ANXA9: variants seen among roughly 807,000 people sequenced by gnomAD.
ANXA9 encodes the protein annexin 31.
Under a neutral mutation model 51.8 loss-of-function variants are expected in ANXA9, and 47 were observed. The observed-to-expected ratio is 0.91, with a 90% confidence interval of 0.72 to 1.16. The LOEUF (loss-of-function observed/expected upper bound fraction) is 1.16. ANXA9 is among the 50% of genes most tolerant of loss of function. ANXA9 has a pLI of 0.00. For missense variants in ANXA9, 361 were observed against 424.7 expected (o/e 0.85, Z 1.32); for synonymous variants, 154 against 168.7 (o/e 0.91, Z 0.68).
At chr1:150,993,344 T>G (rs973896745) in intron 12 of ANXA9, among the ~76,000 whole-genome samples, 7 of 152,138 alleles carry the variant, frequency 4.6e-5, no homozygotes, top group Non-Finnish European at 7.3e-5. Flanking sequence ...GGAGTCTTGC[T>G]CTGTCCCAGG....
Position 150,984,365 on chromosome 1 carries a change from G to C in ANXA9, c.352G>C (p.Asp118His), listed in dbSNP as rs1158980090. 6.2e-7 allele frequency: 1 copy of C among 1,614,186 alleles called. No homozygotes were observed. The highest frequency in any genetic ancestry group is 8.5e-7 in the Non-Finnish European group (1 of 1,180,036). ...TCTGCTGCAGCCCACAGCCCAGTTT[G>C]ACGCCCAGGAATTGAGGACAGCTCT... ...MALLQPTAQF[D>H]AQELRTALKA... The change falls in exon 6 of 14, where the codon GAC (aspartate) becomes CAC (histidine). Residue 118 changes from aspartate (D) to histidine (H), a missense_variant. By Grantham distance (81) the Asp-to-His change is moderately conservative (BLOSUM62 -1). Transcript: ENST00000368947.
At chr1:150,981,491 C>T (rs1359276335), upstream of ANXA9, among the ~76,000 whole-genome samples, 1 of 152,220 alleles carries the variant, frequency 6.6e-6, no homozygotes, top group African/African-American at 2.4e-5. Context: ...GGCTGTTCAC[C>T]TGCTGCTCTG....
chr1:150,982,999 G>A, intron 2 of ANXA9, 91 bp from the exon 3 acceptor site: 1 of 901,392 alleles, frequency 1.1e-6, no homozygotes, highest in Non-Finnish European at 1.7e-6. Flanking sequence ...ACAGGTGACT[G>A]GAACCCAGGG....
At chr1:150,985,455 C>T (rs1017237162) in intron 7 of ANXA9, among the ~76,000 whole-genome samples, 16 of 152,162 alleles carry the variant, frequency 1.1e-4, no homozygotes, top group Non-Finnish European at 2.9e-5. Flanking sequence ...TGCTTGGCTA[C>T]AAGTGTCTCA....
At chr1:150,991,561 G>A (rs587686093) in intron 12 of ANXA9, among the ~76,000 whole-genome samples, 1 of 138,008 alleles carries the variant, frequency 7.2e-6, no homozygotes, top group African/African-American at 2.7e-5. Context: ...TTTTTCCTTT[G>A]AGATGGAGTC....
intron 12 of ANXA9, among the ~76,000 whole-genome samples, chr1:150,991,148 A>T (rs1019079989): frequency 2.0e-5 from 3 of 151,400 alleles, no homozygotes; most frequent in African/African-American, 7.3e-5. Context: ...ATCTCTAAAA[A>T]AAAAATAATA....
At chr1:150,980,198 C>T (rs6587551), upstream of ANXA9, among the ~76,000 whole-genome samples, 82,386 of 151,916 alleles carry the variant, frequency 0.54, 23,056 homozygotes, top group African/African-American at 0.66. Flanking sequence ...AGTTCGAGAC[C>T]AGCCTGGCCA....
At chr1:150,980,572 CTTTTTTTTTT>C (rs869295630), upstream of ANXA9, among the ~76,000 whole-genome samples, 1 of 89,062 alleles carries the variant, frequency 1.1e-5, no homozygotes. Context: ...ACACAGATTA[CTTTTTTTTTT>C]TTTTTTTTTT....
At chr1:150,982,132 G>A (rs1671425386), upstream of ANXA9, 1 of 152,558 alleles carries the variant, frequency 6.6e-6, no homozygotes, top group Non-Finnish European at 1.5e-5. Flanking sequence ...GTTCCTGGGA[G>A]AAGAGATGCT....
At chr1:150,995,047 G>T (rs1051248121) in intron 13 of ANXA9, among the ~76,000 whole-genome samples, 1 of 152,206 alleles carries the variant, frequency 6.6e-6, no homozygotes, top group African/African-American at 2.4e-5. Flanking sequence ...AGCCAAGATC[G>T]TGCCACTGCA....
chr1:150,984,532 T>A, intron 6 of ANXA9, 54 bp from the exon 7 acceptor site: 1 of 1,547,792 alleles, frequency 6.5e-7, no homozygotes, highest in South Asian at 1.1e-5. Flanking sequence ...TGCCCCTCTG[T>A]CTGCCATCCT....
intron 12 of ANXA9, among the ~76,000 whole-genome samples, chr1:150,994,150 A>C (rs938170125): frequency 6.6e-6 from 1 of 152,152 alleles, no homozygotes; most frequent in African/African-American, 2.4e-5. Flanking sequence ...CAGTTTAGGG[A>C]TAGGGCAGGT....
chr1:150,992,571 A>G (rs587775771), intron 12 of ANXA9, among the ~76,000 whole-genome samples: 85 of 152,194 alleles, frequency 5.6e-4, no homozygotes, highest in African/African-American at 1.9e-3. Context: ...ATATATATAT[A>G]TGCTGAAGCG....
chr1:150,977,463 A>G (rs977107817), upstream of ANXA9, among the ~76,000 whole-genome samples: 1 of 152,198 alleles, frequency 6.6e-6, no homozygotes, highest in African/African-American at 2.4e-5. Context: ...CCCAACACGC[A>G]GGCTGGCATG....
intron 7 of ANXA9, 70 bp downstream of exon 7, chr1:150,984,746 ACTCCC>A: frequency 7.3e-7 from 1 of 1,366,298 alleles, no homozygotes; most frequent in Non-Finnish European, 1.0e-6. Flanking sequence ...CCTCTCCTGT[ACTCCC>A]CATAGGTGAG....
At chr1:150,989,683 T>G (rs1412228380) in intron 12 of ANXA9, among the ~76,000 whole-genome samples, 6 of 152,072 alleles carry the variant, frequency 3.9e-5, no homozygotes, top group Non-Finnish European at 8.8e-5. Flanking sequence ...ACAGTCAGAC[T>G]AAAAAAGTAG....
chr1:150,982,283 C>T (rs1240977654), upstream of ANXA9: 1 of 152,658 alleles, frequency 6.6e-6, no homozygotes, highest in Non-Finnish European at 1.5e-5. Flanking sequence ...TGCACACACC[C>T]CCACTTTCCT....
upstream of ANXA9, among the ~76,000 whole-genome samples, chr1:150,980,347 C>T (rs1233751840): frequency 6.6e-6 from 1 of 151,012 alleles, no homozygotes; most frequent in Non-Finnish European, 1.5e-5. Context: ...AGTGAGCCAA[C>T]ATAATGCCAC....
At chr1:150,990,865 C>T (rs1220999188) in intron 12 of ANXA9, among the ~76,000 whole-genome samples, 1 of 151,876 alleles carries the variant, frequency 6.6e-6, no homozygotes, top group Admixed American at 6.6e-5. Flanking sequence ...AATAAACAGG[C>T]CAGGCGCGGT....
Sources: gnomAD v4.1 joint callset for allele counts (sites outside exome capture counted in the v4.1 genomes callset) on GRCh38, gnomAD v4.1.1 for gene constraint, MANE v1.5 for transcripts, NCBI Gene and HGNC (gene_info 2026-07-23, HGNC 2026-07-21) for gene names.